SLC10A7: variants seen among roughly 807,000 people sequenced by gnomAD.
SLC10A7 encodes the protein sodium/bile acid cotransporter 7.
SLC10A7 carries 29 observed loss-of-function variants against 43.2 expected under a neutral mutation model. The ratio of observed to expected loss-of-function variants is 0.67; its 90% CI spans 0.50 to 0.92. SLC10A7 has a LOEUF of 0.92. SLC10A7 is among the 40% of genes least tolerant of loss of function. The probability of loss-of-function intolerance (pLI) is 0.00; values close to 1 mark genes in which losing one functional copy is unlikely to be tolerated. For missense variants in SLC10A7, 295 were observed against 403.2 expected (o/e 0.73, Z 2.30); for synonymous variants, 152 against 144.8 (o/e 1.05, Z -0.35).
At chr4:146,354,646 A>AGGCTAC in intron 5 of SLC10A7, among the ~76,000 whole-genome samples, 1 of 151,348 alleles carries the variant, frequency 6.6e-6, no homozygotes, top group African/African-American at 2.4e-5. Flanking sequence ...CTATACTACA[A>AGGCTAC]GGCTACAGTA....
intron 5 of SLC10A7, among the ~76,000 whole-genome samples, chr4:146,405,590 A>T (rs1727610307): frequency 6.6e-6 from 1 of 152,178 alleles, no homozygotes; most frequent in Non-Finnish European, 1.5e-5. Context: ...GTAACTATGA[A>T]GGCAATGAAG....
In SLC10A7 at chr4:146,422,789, A is replaced by G. The variant is rs926108671; in HGVS notation, c.435+19994T>C. Reference sequence around the variant, plus strand: ...ATAATAGTAAGGTCCTCTTAGTCTGAAATGAATGTCATTATTTTCCTAAAT... The same window carrying G: ...ATAATAGTAAGGTCCTCTTAGTCTGGAATGAATGTCATTATTTTCCTAAAT... On this transcript the variant is annotated intron_variant, in intron 5 of 11. Transcript: ENST00000335472. Among the ~76,000 whole-genome samples, 17 of 152,150 alleles carry G rather than the reference A, an allele frequency of 1.1e-4. 1 individual carries two copies.
chr4:146,390,309 T>C (rs1738331460), intron 5 of SLC10A7, among the ~76,000 whole-genome samples: 1 of 152,142 alleles, frequency 6.6e-6, no homozygotes, highest in Non-Finnish European at 1.5e-5. Context: ...GGGGCAGTTT[T>C]GAAGGAGGAT....
chr4:146,303,229 CT>C (rs1020256229), intron 7 of SLC10A7, among the ~76,000 whole-genome samples: 10 of 152,274 alleles, frequency 6.6e-5, no homozygotes, highest in African/African-American at 2.4e-4. Context: ...CATCTCCATC[CT>C]ACTTTATTCA....
chr4:146,366,197 A>G (rs1009753534), intron 5 of SLC10A7, among the ~76,000 whole-genome samples: 2 of 152,202 alleles, frequency 1.3e-5, no homozygotes, highest in Non-Finnish European at 2.9e-5. Flanking sequence ...CAGATAATAC[A>G]GTTTTACATC....
intron 6 of SLC10A7, among the ~76,000 whole-genome samples, chr4:146,317,872 C>T (rs1732431163): frequency 6.6e-6 from 1 of 151,954 alleles, no homozygotes; most frequent in Non-Finnish European, 1.5e-5. Context: ...AGTCCTTTGG[C>T]CTTGGACTGA....
chr4:146,516,068 A>T (rs1441684280), intron 2 of SLC10A7, among the ~76,000 whole-genome samples: 2 of 152,174 alleles, frequency 1.3e-5, no homozygotes, highest in African/African-American at 4.8e-5. Flanking sequence ...AATCACACTT[A>T]AAATAAATAA....
intron 2 of SLC10A7, chr4:146,515,188 TC>T (rs35316529): frequency 8.5e-6 from 6 of 702,202 alleles, no homozygotes; most frequent in Non-Finnish European, 1.6e-5. Flanking sequence ...TTTCTGGATT[TC>T]CCATGGCACA....
At chr4:146,403,163 G>GAT (rs1286401466) in intron 5 of SLC10A7, among the ~76,000 whole-genome samples, 1 of 152,138 alleles carries the variant, frequency 6.6e-6, no homozygotes, top group Non-Finnish European at 1.5e-5. Flanking sequence ...GTTTTACTAT[G>GAT]ATATATACAG....
At chr4:146,361,639 A>C (rs932479599) in intron 5 of SLC10A7, among the ~76,000 whole-genome samples, 1 of 152,200 alleles carries the variant, frequency 6.6e-6, no homozygotes, top group Non-Finnish European at 1.5e-5. Context: ...CCAGACTGTG[A>C]AGAATGGAAT....
intron 5 of SLC10A7, among the ~76,000 whole-genome samples, chr4:146,410,498 C>T (rs1048971694): frequency 5.3e-5 from 8 of 152,020 alleles, no homozygotes; most frequent in South Asian, 2.1e-4. Flanking sequence ...TGAGCCAGGC[C>T]GACTGTTTTA....
At chr4:146,332,138 C>A (rs1014324008) in intron 5 of SLC10A7, among the ~76,000 whole-genome samples, 1 of 152,138 alleles carries the variant, frequency 6.6e-6, no homozygotes, top group Admixed American at 6.5e-5. Context: ...ACAACTAGAC[C>A]TTCACAGACT....
rs116451758 is a variant in SLC10A7, at chr4:146,306,643, A to G, written c.472-634T>C. Among the ~76,000 whole-genome samples the G allele has an allele frequency of 2.8e-3, 427 of 152,196 alleles. 5 individuals carry two copies. Among genetic ancestry groups the G allele is most frequent in the African/African-American group, 9.5e-3 (395 of 41,540 alleles). On this transcript the variant is annotated intron_variant, in intron 6 of 11. Coordinates refer to ENST00000335472, the MANE Select transcript of SLC10A7 (RefSeq NM_001029998.6). ...TTTTTTGATTCTTTCTTCGTTAACA[A>G]TTACAATCTCAGTTTCATTAAGATG...
intron 5 of SLC10A7, among the ~76,000 whole-genome samples, chr4:146,395,312 C>T (rs1028823435): frequency 1.3e-5 from 2 of 152,156 alleles, no homozygotes; most frequent in Admixed American, 1.3e-4. Context: ...TTGCTTTGGG[C>T]CCAGAAGTTC....
At chr4:146,519,046 C>T (rs1435063437) in intron 1 of SLC10A7, among the ~76,000 whole-genome samples, 2 of 104,478 alleles carry the variant, frequency 1.9e-5, no homozygotes, top group African/African-American at 3.8e-5. Context: ...GGACAGAAGA[C>T]CAAGCTCAGG....
chr4:146,463,963 C>T (rs991557088), intron 4 of SLC10A7, among the ~76,000 whole-genome samples: 1 of 151,754 alleles, frequency 6.6e-6, no homozygotes, highest in Non-Finnish European at 1.5e-5. Context: ...GCTGGGACTA[C>T]AGGTATGTGC....
intron 5 of SLC10A7, among the ~76,000 whole-genome samples, chr4:146,426,658 G>A (rs1270004472): frequency 2.6e-5 from 4 of 152,158 alleles, no homozygotes; most frequent in African/African-American, 9.7e-5. Flanking sequence ...GGCAGATCAC[G>A]AGGTCAGGAG....
chr4:146,328,047 C>T (rs796607004), intron 5 of SLC10A7, among the ~76,000 whole-genome samples: 6 of 152,304 alleles, frequency 3.9e-5, no homozygotes, highest in African/African-American at 1.2e-4. Flanking sequence ...CTGCTCCCTG[C>T]CACTGGCGCC....
intron 4 of SLC10A7, among the ~76,000 whole-genome samples, chr4:146,455,459 A>T (rs903321478): frequency 2.6e-5 from 4 of 151,844 alleles, no homozygotes; most frequent in Non-Finnish European, 5.9e-5. Context: ...CAAAGCATCT[A>T]ATGTTTCTTA....
Sources: allele counts gnomAD v4.1 joint callset (sites outside exome capture counted in the v4.1 genomes callset), GRCh38; gene constraint gnomAD v4.1.1; transcripts MANE v1.5; gene names NCBI Gene and HGNC (gene_info 2026-07-23, HGNC 2026-07-21).